Variants in PDZRN3 observed in about 807,000 individuals in gnomAD.
PDZRN3 encodes E3 ubiquitin-protein ligase PDZRN3.
Under a neutral mutation model 85.7 loss-of-function variants are expected in PDZRN3, and 38 were observed. The ratio of observed to expected loss-of-function variants is 0.44; its 90% confidence interval spans 0.34 to 0.58. The LOEUF (loss-of-function observed/expected upper bound fraction) is 0.58, where lower values mean the gene tolerates loss of function less well. Ranked by LOEUF, PDZRN3 falls within the 20% of genes least tolerant of loss-of-function variation. PDZRN3 has a pLI of 0.01. For missense variants in PDZRN3, 1,629 were observed against 1,506.4 expected (o/e 1.08, Z -1.35); for synonymous variants, 759 against 638.0 (o/e 1.19, Z -2.86).
chr3:73,392,987 C>T (rs2106697768), intron 5 of PDZRN3, among the ~76,000 whole-genome samples: 1 of 152,250 alleles, frequency 6.6e-6, no homozygotes, highest in East Asian at 1.9e-4. Flanking sequence ...GTTTCAAACA[C>T]ATCCCCCTGT....
intron 1 of PDZRN3, among the ~76,000 whole-genome samples, chr3:73,611,335 G>A (rs1220918124): frequency 1.3e-5 from 2 of 152,162 alleles, no homozygotes; most frequent in Non-Finnish European, 2.9e-5. Flanking sequence ...TGACCTCAGA[G>A]ATCTCTCCCA....
chr3:73,581,761 G>A (rs1216726032), intron 3 of PDZRN3, among the ~76,000 whole-genome samples: 1 of 151,500 alleles, frequency 6.6e-6, no homozygotes, highest in Non-Finnish European at 1.5e-5. Flanking sequence ...AAACATGTTG[G>A]AAAATGAGCA....
intron 3 of PDZRN3, among the ~76,000 whole-genome samples, chr3:73,417,845 A>G (rs1339773897): frequency 1.3e-5 from 2 of 152,216 alleles, no homozygotes; most frequent in African/African-American, 4.8e-5. Flanking sequence ...TCTCCATTGA[A>G]ATGTGCAATC....
At position 73,624,694 on chromosome 3, in the gene PDZRN3, G is replaced by C. The variant is rs368757162; in HGVS notation, c.132C>G (p.Pro44=). 8.5e-5 allele frequency: 130 copies of C among 1,523,556 alleles called. No homozygotes were observed. The African/African-American group carries it at 1.7e-3, about 20-fold the overall frequency. 94.4% of individuals were successfully genotyped at this position (1,523,556 alleles called of 1,614,324 possible). A position where few individuals can be genotyped will look rare whatever the true frequency, so the allele number is the denominator to read the frequency against. ...GHVFCAGCVL[P]WVVQEGSCPA... ...GGCAGCTGCCCTCCTGCACCACCCA[G>C]GGCAGCACGCAGCCGGCGCAGAAGA... The change falls in exon 1 of 10, where the codon CCC becomes CCG. Residue 44 remains proline, a synonymous_variant. Transcript: ENST00000263666.
At chr3:73,459,732 A>G (rs186354029) in intron 3 of PDZRN3, among the ~76,000 whole-genome samples, 85 of 152,276 alleles carry the variant, frequency 5.6e-4, no homozygotes, top group African/African-American at 1.9e-3. Flanking sequence ...TATGTACCAC[A>G]TTTTCTTTAT....
At chr3:73,396,122 C>G (rs1701630642) in intron 5 of PDZRN3, among the ~76,000 whole-genome samples, 1 of 152,164 alleles carries the variant, frequency 6.6e-6, no homozygotes, top group Non-Finnish European at 1.5e-5. Context: ...ACTTGGGAAG[C>G]TGAGGCAGGT....
At chr3:73,623,610 G>A (rs1702903328) in intron 1 of PDZRN3, 1 of 152,426 alleles carries the variant, frequency 6.6e-6, no homozygotes, top group South Asian at 2.1e-4. Context: ...AATCTACACT[G>A]GCTGTGGGTT....
chr3:73,576,757 A>G (rs540808494), intron 3 of PDZRN3, among the ~76,000 whole-genome samples: 90 of 152,348 alleles, frequency 5.9e-4, no homozygotes, highest in African/African-American at 2.1e-3. Flanking sequence ...GTGCTAAAAA[A>G]GTGGGACTTT....
At chr3:73,454,090 A>T (rs1051676160) in intron 3 of PDZRN3, among the ~76,000 whole-genome samples, 1 of 152,216 alleles carries the variant, frequency 6.6e-6, no homozygotes, top group African/African-American at 2.4e-5. Flanking sequence ...AAGCTATTCC[A>T]GCACAAGATT....
At chr3:73,561,664 G>A (rs1050400807) in intron 3 of PDZRN3, 2 of 152,168 alleles carry the variant, frequency 1.3e-5, no homozygotes, top group Non-Finnish European at 2.9e-5. Flanking sequence ...GCACTCACAT[G>A]GTGAGCACCA....
chr3:73,618,721 CA>C (rs1222374682), intron 1 of PDZRN3, among the ~76,000 whole-genome samples: 1 of 152,228 alleles, frequency 6.6e-6, no homozygotes, highest in East Asian at 1.9e-4. Context: ...CACTTACAGA[CA>C]AATCTCAACA....
chr3:73,535,268 G>A (rs1430901102), intron 3 of PDZRN3, among the ~76,000 whole-genome samples: 1 of 152,136 alleles, frequency 6.6e-6, no homozygotes, highest in African/African-American at 2.4e-5. Flanking sequence ...CAAGTTGTTT[G>A]TTATTGCAGC....
chr3:73,433,030 A>G (rs1449186336), intron 3 of PDZRN3, among the ~76,000 whole-genome samples: 1 of 152,258 alleles, frequency 6.6e-6, no homozygotes, highest in African/African-American at 2.4e-5. Context: ...CATGTTGCTC[A>G]CAATGACTCA....
intron 3 of PDZRN3, among the ~76,000 whole-genome samples, chr3:73,564,490 C>T (rs1366980189): frequency 6.6e-6 from 1 of 152,198 alleles, no homozygotes; most frequent in East Asian, 1.9e-4. Context: ...CAAAGCTCAA[C>T]TCCGTTCCTT....
At chr3:73,584,450 A>G (rs55864399) in intron 3 of PDZRN3, among the ~76,000 whole-genome samples, 1 of 94,318 alleles carries the variant, frequency 1.1e-5, no homozygotes, top group African/African-American at 4.0e-5. Context: ...GCTTCATTTA[A>G]TGGTGTGTGT....
chr3:73,594,757 A>G (rs1002940756), intron 3 of PDZRN3, among the ~76,000 whole-genome samples: 2 of 152,230 alleles, frequency 1.3e-5, no homozygotes, highest in Non-Finnish European at 2.9e-5. Flanking sequence ...AAGGTAAAGC[A>G]AAAGTGATAA....
chr3:73,511,317 G>A (rs557957535), intron 3 of PDZRN3, among the ~76,000 whole-genome samples: 22 of 152,248 alleles, frequency 1.4e-4, no homozygotes, highest in South Asian at 8.3e-4. Flanking sequence ...CAGGAAGCGG[G>A]ACGACTCTCT....
intron 3 of PDZRN3, among the ~76,000 whole-genome samples, chr3:73,533,766 G>A (rs531887240): frequency 1.3e-5 from 2 of 152,134 alleles, no homozygotes; most frequent in Non-Finnish European, 2.9e-5. Flanking sequence ...AGCTATAGGT[G>A]TGTTACTGGG....
intron 3 of PDZRN3, among the ~76,000 whole-genome samples, chr3:73,442,877 C>T (rs1702669466): frequency 6.6e-6 from 1 of 152,148 alleles, no homozygotes; most frequent in African/African-American, 2.4e-5. Context: ...CTGGAGTACA[C>T]TAAGGTGCCT....
Sources: gnomAD v4.1 joint callset for allele counts (sites outside exome capture counted in the v4.1 genomes callset) on GRCh38, gnomAD v4.1.1 for gene constraint, MANE v1.5 for transcripts, NCBI Gene and HGNC (gene_info 2026-07-23, HGNC 2026-07-21) for gene names.